The following PAX7 variants were observed in gnomAD, a reference collection of about 807,000 sequenced individuals.
The protein encoded by PAX7 is paired box 7, also known as paired box protein Pax-7.
In PAX7, 18 loss-of-function variants were observed where a neutral mutation model predicts 50.7. The ratio of observed to expected loss-of-function variants is 0.36; its 90% confidence interval spans 0.25 to 0.53. PAX7 has a LOEUF of 0.53. PAX7 is among the 20% of genes least tolerant of loss of function. The pLI is 0.93. For missense variants in PAX7, 644 were observed against 702.9 expected (o/e 0.92, Z 0.95); for synonymous variants, 310 against 290.4 (o/e 1.07, Z -0.69).
chr1:18,678,207 T>C (rs1416019073), intron 4 of PAX7, among the ~76,000 whole-genome samples: 1 of 152,176 alleles, frequency 6.6e-6, no homozygotes, highest in Non-Finnish European at 1.5e-5. Flanking sequence ...AGGTTGGGAA[T>C]TCGTGACAAG....
chr1:18,734,593 A>G (rs1314704272), intron 7 of PAX7, among the ~76,000 whole-genome samples: 13 of 152,150 alleles, frequency 8.5e-5, no homozygotes, highest in Non-Finnish European at 1.5e-5. Context: ...GCTAGACAGC[A>G]GGTTCCACCT....
intron 4 of PAX7, among the ~76,000 whole-genome samples, chr1:18,676,409 G>A (rs2088822273): frequency 6.6e-6 from 1 of 151,216 alleles, no homozygotes; most frequent in African/African-American, 2.4e-5. Flanking sequence ...GGGTGGGGAG[G>A]GGGGCAGCGG....
intron 4 of PAX7, among the ~76,000 whole-genome samples, chr1:18,661,191 G>C (rs1368720893): frequency 2.0e-5 from 3 of 152,124 alleles, no homozygotes; most frequent in Non-Finnish European, 4.4e-5. Flanking sequence ...AGGCCCCCTT[G>C]CTTGGTGGGG....
intron 4 of PAX7, among the ~76,000 whole-genome samples, chr1:18,666,931 G>T (rs1262548568): frequency 1.3e-5 from 2 of 151,932 alleles, no homozygotes; most frequent in Admixed American, 6.6e-5. Context: ...GGTGGTGGGG[G>T]CATCAGGGAC....
At chr1:18,643,158 C>A (rs2088284461) in intron 4 of PAX7, among the ~76,000 whole-genome samples, 1 of 152,190 alleles carries the variant, frequency 6.6e-6, no homozygotes, top group African/African-American at 2.4e-5. Flanking sequence ...GCCTTGGGCA[C>A]GCGTGCCAGG....
chr1:18,672,573 G>A (rs528050548), intron 4 of PAX7, among the ~76,000 whole-genome samples: 2 of 150,706 alleles, frequency 1.3e-5, no homozygotes, highest in South Asian at 2.1e-4. Flanking sequence ...TGCCAAATGC[G>A]GCCCTAGACT....
chr1:18,699,030 C>A (rs2089183522), intron 5 of PAX7, among the ~76,000 whole-genome samples: 1 of 152,222 alleles, frequency 6.6e-6, no homozygotes, highest in Admixed American at 6.5e-5. Flanking sequence ...GGAACACCAA[C>A]CAAGCCTTGT....
chr1:18,735,186 T>C lies in PAX7; in HGVS notation c.1156-446T>C, dbSNP rs1359721717. On this transcript the variant is annotated intron_variant, in intron 7 of 8. Transcript: ENST00000420770. This position sits in a 1 kb window ranked among gnomAD's most constrained non-coding sequence, Gnocchi z 4.0. ...ATCAAGAGTCCTGCTGTAATGTTTG[T>C]GTTAGAAGATGGGGCCATCCCAGTC... is the stretch of plus-strand genomic sequence containing the variant. 6.6e-6 allele frequency among the ~76,000 whole-genome samples: 1 copy of C among 152,102 alleles called. No individual in the cohort carries two copies. Among genetic ancestry groups the C allele is most frequent in the African/African-American group, 2.4e-5 (1 of 41,404 alleles).
At chr1:18,675,342 G>A (rs2088809598) in intron 4 of PAX7, among the ~76,000 whole-genome samples, 2 of 152,144 alleles carry the variant, frequency 1.3e-5, no homozygotes, top group Non-Finnish European at 2.9e-5. Context: ...CAGAACCACA[G>A]CATCTTAGAA....
At chr1:18,667,438 G>T (rs1557518743) in intron 4 of PAX7, among the ~76,000 whole-genome samples, 1 of 150,336 alleles carries the variant, frequency 6.7e-6, no homozygotes, top group Non-Finnish European at 1.5e-5. Flanking sequence ...AAGGAAGGAA[G>T]GAAGGAAGGA....
intron 4 of PAX7, among the ~76,000 whole-genome samples, chr1:18,688,528 C>T (rs935291205): frequency 2.0e-5 from 3 of 152,188 alleles, no homozygotes; most frequent in East Asian, 3.8e-4. Context: ...TTGAACACTG[C>T]GAATCTAGAA....
At chr1:18,650,269 G>T in intron 4 of PAX7, among the ~76,000 whole-genome samples, 1 of 152,366 alleles carries the variant, frequency 6.6e-6, no homozygotes, top group East Asian at 1.9e-4. Flanking sequence ...CCTCTGATTA[G>T]GGAACTTTCT....
chr1:18,742,151 T>TTC (rs1557563496), intron 8 of PAX7, among the ~76,000 whole-genome samples: 1 of 31,352 alleles, frequency 3.2e-5, no homozygotes. Flanking sequence ...GAGGCTTCTT[T>TTC]TTTTTTTTTT....
chr1:18,659,390 C>A (rs1157981025), intron 4 of PAX7, among the ~76,000 whole-genome samples: 1 of 152,188 alleles, frequency 6.6e-6, no homozygotes, highest in African/African-American at 2.4e-5. Context: ...TTTCCCTCCC[C>A]CTCCTTTCCA....
At chr1:18,713,012 G>T (rs372788493) in intron 7 of PAX7, among the ~76,000 whole-genome samples, 1 of 152,142 alleles carries the variant, frequency 6.6e-6, no homozygotes, top group Admixed American at 6.5e-5. Context: ...AATCCAGGAG[G>T]CGGAGGTTGC....
At chr1:18,689,878 C>T (rs1054758873) in intron 4 of PAX7, among the ~76,000 whole-genome samples, 1 of 152,112 alleles carries the variant, frequency 6.6e-6, no homozygotes, top group Non-Finnish European at 1.5e-5. Flanking sequence ...GTTTTTGTTG[C>T]GGGGAGGAGG....
At position 18,747,944 on chromosome 1, in the gene PAX7, T is replaced by G. The variant is rs1341318647; in HGVS notation, c.*3015T>G. 1 of 198,474 alleles carries G rather than the reference T, an allele frequency of 5.0e-6. No homozygotes were observed. The highest frequency in any genetic ancestry group is 1.0e-5 in the Non-Finnish European group (1 of 95,914). The allele number at this position is 198,474 out of a possible 1,614,324, so 12.3% of individuals were successfully genotyped here. ...AGGCTCTAGTGGGTTCTTTCAATCT[T>G]GTTCCTTTATTTTTTTCATTTGGTA... On this transcript the variant is annotated 3_prime_UTR_variant, in exon 9 of 9. Coordinates refer to ENST00000420770, the MANE Select transcript of PAX7 (RefSeq NM_001135254.2).
chr1:18,631,745 T>A, intron 1 of PAX7, 57 bp downstream of exon 1: 1 of 1,417,386 alleles, frequency 7.1e-7, no homozygotes, highest in Non-Finnish European at 9.8e-7. Flanking sequence ...TCGGGGTCCT[T>A]GGAGAGGCTG....
Position 18,747,246 on chromosome 1 carries a change from G to C in PAX7, c.*2317G>C. ...CCACCCAGCCCCATCCCCAGGAGGC[G>C]ACATTCCAATGCTAGGACCAATCCC... On this transcript the variant is annotated 3_prime_UTR_variant, in exon 9 of 9. Transcript: ENST00000420770. 4.3e-6 allele frequency: 1 copy of C among 230,364 alleles called. No individual in the cohort carries two copies. Among genetic ancestry groups the C allele is most frequent in the Non-Finnish European group, 8.6e-6 (1 of 116,346 alleles). The allele number at this position is 230,364 out of a possible 1,614,324, so 14.3% of individuals were successfully genotyped here. A position where few individuals can be genotyped will look rare whatever the true frequency, so the allele number is the denominator to read the frequency against.
Sources: gnomAD v4.1 joint callset for allele counts (sites outside exome capture counted in the v4.1 genomes callset) on GRCh38, gnomAD v4.1.1 for gene constraint, Gnocchi (gnomAD v3.1) non-coding constraint, MANE v1.5 for transcripts, NCBI Gene and HGNC (gene_info 2026-07-23, HGNC 2026-07-21) for gene names.